TMEM165: variants seen among roughly 807,000 people sequenced by gnomAD.
TMEM165 encodes the protein putative divalent cation/proton antiporter TMEM165.
Under a neutral mutation model 30.0 loss-of-function variants are expected in TMEM165, and 19 were observed. That is an observed-to-expected ratio of 0.63 (90% CI 0.44 to 0.93). The LOEUF is 0.93. TMEM165 is among the 40% of genes least tolerant of loss of function. The pLI is 0.00. For missense variants in TMEM165, 340 were observed against 417.0 expected (o/e 0.82, Z 1.61); for synonymous variants, 168 against 162.9 (o/e 1.03, Z -0.24).
chr4:55,409,183 TC>T (rs1407983823), intron 1 of TMEM165, among the ~76,000 whole-genome samples: 1 of 152,206 alleles, frequency 6.6e-6, no homozygotes, highest in Non-Finnish European at 1.5e-5. Context: ...ACAAATACTT[TC>T]CATTTTGTTA....
At chr4:55,447,260 G>A (rs556373130) in intron 3 of TMEM165, among the ~76,000 whole-genome samples, 35 of 152,132 alleles carry the variant, frequency 2.3e-4, no homozygotes, top group African/African-American at 7.7e-4. Context: ...CCAGCTACTC[G>A]GGAGACTGAG....
At chr4:55,441,686 C>CA (rs1378309571) in intron 3 of TMEM165, among the ~76,000 whole-genome samples, 1 of 152,178 alleles carries the variant, frequency 6.6e-6, no homozygotes, top group Non-Finnish European at 1.5e-5. Flanking sequence ...GCTATGGGTA[C>CA]AGCAAAGGCA....
At chr4:55,410,398 T>A (rs1402168925) in intron 1 of TMEM165, among the ~76,000 whole-genome samples, 2 of 152,222 alleles carry the variant, frequency 1.3e-5, no homozygotes, top group East Asian at 3.9e-4. Context: ...CTGGTTTGTC[T>A]TTTTCATTAG....
At position 55,425,387 on chromosome 4, in the gene TMEM165, G is replaced by GAT; in HGVS notation, c.910_911insAT (p.Gly304AspfsTer16). ...TCTCTCTCTTCCAGTGACAATCATA[G>GAT]GAGGCATCGTTTTTTTGGCGTTTGC... is the stretch of plus-strand genomic sequence containing the variant. On this transcript the variant is annotated frameshift_variant, in exon 6 of 6. Coordinates refer to ENST00000381334, the MANE Select transcript of TMEM165 (RefSeq NM_018475.5). LOFTEE classifies it high-confidence loss of function. The GAT allele has an allele frequency of 6.2e-7, 1 of 1,613,784 alleles. No homozygotes were observed. Among genetic ancestry groups the GAT allele is most frequent in the Non-Finnish European group, 8.5e-7 (1 of 1,179,816 alleles).
downstream of TMEM165, among the ~76,000 whole-genome samples, chr4:55,426,341 A>G (rs974858823): frequency 6.6e-5 from 10 of 152,224 alleles, no homozygotes; most frequent in African/African-American, 2.2e-4. Context: ...TCTGTGAGGT[A>G]GTAGGTACTA....
intron 3 of TMEM165, chr4:55,443,880 G>A (rs1284553502): frequency 1.2e-5 from 20 of 1,612,590 alleles, no homozygotes; most frequent in Non-Finnish European, 1.7e-5. Context: ...CCCAGGATTT[G>A]ATTGTTGCAA....
chr4:55,452,941 T>A, exon 4 of TMEM165: 1 of 770,748 alleles, frequency 1.3e-6, no homozygotes, highest in East Asian at 2.8e-5. Context: ...ACATCCCCGT[T>A]ATAAGTGAGG....
chr4:55,428,765 T>C (rs755968914), downstream of TMEM165: 8 of 151,036 alleles, frequency 5.3e-5, no homozygotes, highest in Admixed American at 2.0e-4. Flanking sequence ...ATGTTAACAA[T>C]GAAAAATTTA....
chr4:55,406,981 T>G (rs1721296743), intron 1 of TMEM165, among the ~76,000 whole-genome samples: 1 of 152,260 alleles, frequency 6.6e-6, no homozygotes, highest in Admixed American at 6.5e-5. Context: ...TGTCTCTTTA[T>G]TACAAATGAT....
chr4:55,435,357 G>A, intron 3 of TMEM165: 1 of 1,595,312 alleles, frequency 6.3e-7, no homozygotes, highest in Non-Finnish European at 8.6e-7. Flanking sequence ...GGTCATCTGA[G>A]TAACTCTTAA....
intron 1 of TMEM165, among the ~76,000 whole-genome samples, chr4:55,409,741 T>C (rs1578234902): frequency 1.3e-5 from 2 of 152,208 alleles, no homozygotes; most frequent in African/African-American, 4.8e-5. Context: ...GGAGTGGTGG[T>C]TCCCTTCTCT....
intron 3 of TMEM165, chr4:55,444,520 TGAATTG>T: frequency 7.9e-7 from 1 of 1,264,730 alleles, no homozygotes; most frequent in Non-Finnish European, 1.1e-6. Flanking sequence ...TTTATTGAAC[TGAATTG>T]ATAAAACGTA....
chr4:55,448,891 ACTGAAG>A (rs1451668042), intron 3 of TMEM165: 1 of 1,548,552 alleles, frequency 6.5e-7, no homozygotes, highest in Non-Finnish European at 8.9e-7. Context: ...AAAAAATAAC[ACTGAAG>A]TGATTCTCAT....
chr4:55,434,436 T>C (rs1722729046), intron 3 of TMEM165: 1 of 152,604 alleles, frequency 6.6e-6, no homozygotes, highest in Non-Finnish European at 1.5e-5. Flanking sequence ...TACGCAAATA[T>C]TTCCAACTAT....
intron 3 of TMEM165, chr4:55,449,390 G>T (rs756307615): frequency 1.1e-5 from 17 of 1,608,726 alleles, no homozygotes; most frequent in Non-Finnish European, 1.4e-5. Context: ...CCACTAAAGA[G>T]CTTACCTGAC....
At chr4:55,416,998 T>C (rs1282578495) in intron 2 of TMEM165, 74 bp from the exon 3 acceptor site, 1 of 1,324,120 alleles carries the variant, frequency 7.6e-7, no homozygotes, top group Non-Finnish European at 1.0e-6. Context: ...GATAAATTAT[T>C]ATTTCCGAAG....
chr4:55,426,920 G>GTT, downstream of TMEM165, among the ~76,000 whole-genome samples: 1 of 152,288 alleles, frequency 6.6e-6, no homozygotes, highest in South Asian at 2.1e-4. Flanking sequence ...GCTATAGGAA[G>GTT]TATCAAAGGG....
rs191836158 is a variant in TMEM165 at position 55,406,520 on chromosome 4, T to C, written c.208-5094T>C. ...GTACACATACTTAGTATATACTTTT[T>C]CTCAACTTCAAAATATCTTAATGAT... On this transcript the variant is annotated intron_variant, in intron 1 of 5. Coordinates refer to ENST00000381334, the MANE Select transcript of TMEM165 (RefSeq NM_018475.5). Among the ~76,000 whole-genome samples the C allele has an allele frequency of 1.8e-4, 28 of 152,344 alleles. No homozygotes were observed. In the East Asian group the frequency reaches 5.0e-3, roughly 27 times the overall value.
downstream of TMEM165, chr4:55,431,163 T>C (rs973651170): frequency 6.6e-6 from 1 of 152,182 alleles, no homozygotes; most frequent in Non-Finnish European, 1.5e-5. Flanking sequence ...TTTAAAAGTG[T>C]GTGCTATTCC....
Sources: gnomAD v4.1 joint callset for allele counts (sites outside exome capture counted in the v4.1 genomes callset) on GRCh38, gnomAD v4.1.1 for gene constraint, MANE v1.5 for transcripts, NCBI Gene and HGNC (gene_info 2026-07-23, HGNC 2026-07-21) for gene names.